Variants in SCD5 observed in about 807,000 individuals in gnomAD.
SCD5 encodes stearoyl-CoA desaturase 5.
In SCD5, 20 loss-of-function variants were observed where a neutral mutation model predicts 30.4. That is an observed-to-expected ratio of 0.66 (90% CI 0.46 to 0.96). SCD5 has a LOEUF of 0.96. Among genes scored for constraint, SCD5 ranks in the 40% least tolerant of loss-of-function variants. The pLI, the probability that SCD5 is intolerant of heterozygous loss-of-function variation, is 0.00. For synonymous variants in SCD5, 173 were observed against 176.4 expected (o/e 0.98, Z 0.16); for missense variants, 381 against 443.3 (o/e 0.86, Z 1.26).
At chr4:82,651,004 CTG>C (rs999071753) in intron 3 of SCD5, among the ~76,000 whole-genome samples, 3 of 152,066 alleles carry the variant, frequency 2.0e-5, no homozygotes, top group Non-Finnish European at 4.4e-5. Flanking sequence ...AAGAATGACA[CTG>C]TGTGGTATCT....
chr4:82,664,272 A>G (rs1241955397), intron 3 of SCD5, among the ~76,000 whole-genome samples: 1 of 152,190 alleles, frequency 6.6e-6, no homozygotes, highest in East Asian at 1.9e-4. Flanking sequence ...ACTCAGCTCA[A>G]CTTCTGATTA....
At chr4:82,796,079 G>A (rs2148855733) in intron 1 of SCD5, among the ~76,000 whole-genome samples, 1 of 151,914 alleles carries the variant, frequency 6.6e-6, no homozygotes, top group Middle Eastern at 3.4e-3. Context: ...GACCATCCTG[G>A]CTAACACGGT....
chr4:82,767,391 C>T (rs1721516032), intron 1 of SCD5, among the ~76,000 whole-genome samples: 1 of 152,166 alleles, frequency 6.6e-6, no homozygotes, highest in African/African-American at 2.4e-5. Flanking sequence ...CTCCTCGACT[C>T]AAGGACATGG....
chr4:82,704,618 G>A (rs1719930333), intron 2 of SCD5, among the ~76,000 whole-genome samples: 1 of 152,160 alleles, frequency 6.6e-6, no homozygotes, highest in Non-Finnish European at 1.5e-5. Flanking sequence ...TGAGAATGAA[G>A]TTTTGTTCTT....
At chr4:82,789,940 T>TG (rs1553920892) in intron 1 of SCD5, among the ~76,000 whole-genome samples, 1 of 152,004 alleles carries the variant, frequency 6.6e-6, no homozygotes. Flanking sequence ...TTAGGGGTTT[T>TG]TTGTTGTTGT....
At chr4:82,649,113 A>G (rs978118648) in intron 3 of SCD5, among the ~76,000 whole-genome samples, 1 of 151,720 alleles carries the variant, frequency 6.6e-6, no homozygotes, top group Non-Finnish European at 1.5e-5. Flanking sequence ...GTGTATTTGA[A>G]CTTAATGACA....
chr4:82,692,935 C>T (rs1409452960), intron 2 of SCD5, among the ~76,000 whole-genome samples: 1 of 152,132 alleles, frequency 6.6e-6, no homozygotes, highest in African/African-American at 2.4e-5. Context: ...GATCCACGAG[C>T]CAGGGGGACC....
Position 82,666,441 on chromosome 4 carries a change from G to T in SCD5, c.569+14266C>A, listed in dbSNP as rs555934624. ...TGAGGCAGGAGAATGGCGTGAACCC[G>T]GGAGGCGGAGCTTGCAGTGAGCCGG... On this transcript the variant is annotated intron_variant, in intron 3 of 4. Coordinates refer to ENST00000319540, the MANE Select transcript of SCD5 (RefSeq NM_001037582.3). 2.0e-4 allele frequency among the ~76,000 whole-genome samples: 30 copies of T among 152,092 alleles called. No homozygotes were observed. In the South Asian group the frequency reaches 6.2e-3, roughly 32 times the overall value.
At chr4:82,730,873 A>C (rs540843905) in intron 1 of SCD5, among the ~76,000 whole-genome samples, 33 of 152,170 alleles carry the variant, frequency 2.2e-4, no homozygotes, top group East Asian at 9.7e-4. Flanking sequence ...CGTGAGCCAC[A>C]GCGCCCAGCT....
At chr4:82,719,018 T>C in intron 1 of SCD5, among the ~76,000 whole-genome samples, 1 of 151,784 alleles carries the variant, frequency 6.6e-6, no homozygotes, top group Non-Finnish European at 1.5e-5. Context: ...AGCCTCCATT[T>C]CAGGGGGCTC....
chr4:82,790,526 C>T (rs907336679), intron 1 of SCD5, among the ~76,000 whole-genome samples: 22 of 152,190 alleles, frequency 1.4e-4, no homozygotes, highest in African/African-American at 5.1e-4. Context: ...CCCTGCACCT[C>T]CTGCCATGCT....
intron 1 of SCD5, among the ~76,000 whole-genome samples, chr4:82,793,067 A>T (rs1443806703): frequency 6.6e-6 from 1 of 152,222 alleles, no homozygotes; most frequent in Non-Finnish European, 1.5e-5. Context: ...AAGGCTCTTA[A>T]TGCTTGCCCA....
At chr4:82,702,238 G>A (rs185344163) in intron 2 of SCD5, among the ~76,000 whole-genome samples, 5 of 130,742 alleles carry the variant, frequency 3.8e-5, no homozygotes, top group Non-Finnish European at 7.8e-5. Flanking sequence ...TCTGCCTCCC[G>A]AATTCAAGTG....
At chr4:82,675,268 T>G (rs765465303) in intron 3 of SCD5, among the ~76,000 whole-genome samples, 4 of 152,160 alleles carry the variant, frequency 2.6e-5, no homozygotes, top group Non-Finnish European at 5.9e-5. Flanking sequence ...TCAATTTTGC[T>G]AAATTGAACC....
At chr4:82,652,088 A>C (rs1366680581) in intron 3 of SCD5, among the ~76,000 whole-genome samples, 1 of 152,064 alleles carries the variant, frequency 6.6e-6, no homozygotes, top group East Asian at 1.9e-4. Flanking sequence ...TGGTCCTGGA[A>C]CTACACTTCG....
chr4:82,761,722 C>T (rs1052821208), intron 1 of SCD5, among the ~76,000 whole-genome samples: 2 of 151,850 alleles, frequency 1.3e-5, no homozygotes, highest in Admixed American at 1.3e-4. Flanking sequence ...CGATGCTATC[C>T]CTCCCCCCTC....
intron 1 of SCD5, among the ~76,000 whole-genome samples, chr4:82,709,348 T>C (rs1286208888): frequency 6.6e-6 from 1 of 152,168 alleles, no homozygotes; most frequent in African/African-American, 2.4e-5. Context: ...TTCATTGAGC[T>C]GCTATTATGT....
chr4:82,657,772 C>T (rs1183541324), intron 3 of SCD5, among the ~76,000 whole-genome samples: 1 of 152,128 alleles, frequency 6.6e-6, no homozygotes, highest in Non-Finnish European at 1.5e-5. Context: ...TCTCTTATTT[C>T]CTTGAACAGT....
At chr4:82,646,898 C>T (rs1294731693) in intron 3 of SCD5, among the ~76,000 whole-genome samples, 2 of 152,154 alleles carry the variant, frequency 1.3e-5, no homozygotes, top group Non-Finnish European at 2.9e-5. Context: ...TCTCGGGTCA[C>T]TGCAACCTCC....
Sources: gnomAD v4.1 joint callset for allele counts (sites outside exome capture counted in the v4.1 genomes callset) on GRCh38, gnomAD v4.1.1 for gene constraint, MANE v1.5 for transcripts, NCBI Gene and HGNC (gene_info 2026-07-23, HGNC 2026-07-21) for gene names.